LOC400499: variants seen among roughly 807,000 people sequenced by gnomAD.
the LOC400499 span, among the ~76,000 whole-genome samples, chr16:11,525,112 C>T: frequency 1.3e-5 from 2 of 152,030 alleles, no homozygotes; most frequent in East Asian, 1.9e-4. Flanking sequence ...GGCGAAACCC[C>T]CTCTCTATAA....
At chr16:11,461,133 G>A in the LOC400499 span, 4 of 1,528,568 alleles carry the variant, frequency 2.6e-6, no homozygotes, top group Non-Finnish European at 2.6e-6. Flanking sequence ...CAGGGACAGA[G>A]AGCAGGCAGA....
the LOC400499 span, among the ~76,000 whole-genome samples, chr16:11,410,112 C>G: frequency 6.6e-6 from 1 of 152,058 alleles, no homozygotes; most frequent in Admixed American, 6.6e-5. Flanking sequence ...TCACCACACT[C>G]CAACCTGGGT....
the LOC400499 span, among the ~76,000 whole-genome samples, chr16:11,484,619 G>A: frequency 6.6e-6 from 1 of 152,170 alleles, no homozygotes; most frequent in Non-Finnish European, 1.5e-5. Context: ...GGTGACATGG[G>A]TGTATTGAGG....
At chr16:11,419,813 C>T in the LOC400499 span, among the ~76,000 whole-genome samples, 2 of 151,948 alleles carry the variant, frequency 1.3e-5, no homozygotes, top group Admixed American at 6.6e-5. Context: ...CAAAAGAAGA[C>T]ATTTATGCAG....
the LOC400499 span, among the ~76,000 whole-genome samples, chr16:11,380,268 C>T: frequency 6.7e-6 from 1 of 150,120 alleles, no homozygotes; most frequent in Admixed American, 6.6e-5. Flanking sequence ...ACTTGAAGGA[C>T]TCCCTTTAGC....
the LOC400499 span, among the ~76,000 whole-genome samples, chr16:11,483,631 C>A: frequency 6.7e-6 from 1 of 150,368 alleles, no homozygotes; most frequent in Non-Finnish European, 1.5e-5. Context: ...TTTGAGAGGC[C>A]AAGGCAGGAG....
chr16:11,411,995 T>A, the LOC400499 span, among the ~76,000 whole-genome samples: 2 of 152,082 alleles, frequency 1.3e-5, no homozygotes, highest in Non-Finnish European at 2.9e-5. Context: ...CCTGAGCAGC[T>A]GGGACTACAA....
the LOC400499 span, among the ~76,000 whole-genome samples, chr16:11,443,024 T>C: frequency 2.0e-4 from 30 of 152,224 alleles, no homozygotes; most frequent in African/African-American, 7.2e-4. Flanking sequence ...GGCTGTTGTG[T>C]ATCTTGCAAA....
chr16:11,384,423 G>C, the LOC400499 span: 1 of 574,078 alleles, frequency 1.7e-6, no homozygotes, highest in Non-Finnish European at 2.6e-6. Context: ...AGATGAGCCT[G>C]AAGCACACAG....
chr16:11,405,223 T>A, the LOC400499 span, among the ~76,000 whole-genome samples: 1 of 152,184 alleles, frequency 6.6e-6, no homozygotes, highest in African/African-American at 2.4e-5. Flanking sequence ...ATACAAGTGG[T>A]GCACTCAGCC....
chr16:11,521,941 A>G, the LOC400499 span: 2 of 399,186 alleles, frequency 5.0e-6, no homozygotes, highest in Admixed American at 8.8e-5. Flanking sequence ...CGGTTGCCCA[A>G]AGACACTCAC....
chr16:11,504,041 G>A, the LOC400499 span, among the ~76,000 whole-genome samples: 7 of 152,106 alleles, frequency 4.6e-5, no homozygotes, highest in Non-Finnish European at 7.3e-5. Flanking sequence ...GGCACCTGGG[G>A]ATGGTGCCTG....
the LOC400499 span, chr16:11,387,033 G>C: frequency 1.8e-6 from 2 of 1,118,794 alleles, no homozygotes; most frequent in Non-Finnish European, 2.3e-6. Context: ...GATGCTACTA[G>C]CCTATGGAGG....
the LOC400499 span, chr16:11,446,698 C>T: frequency 6.5e-7 from 1 of 1,532,486 alleles, no homozygotes; most frequent in Non-Finnish European, 8.7e-7. Context: ...CAGCTGGGGC[C>T]TTCCTCTGGC....
chr16:11,416,294 G>A, the LOC400499 span, among the ~76,000 whole-genome samples: 2 of 152,124 alleles, frequency 1.3e-5, no homozygotes, highest in African/African-American at 4.8e-5. Flanking sequence ...CTCCCCTAGG[G>A]GACTGGGGAG....
At chr16:11,487,295 G>C in the LOC400499 span, 1 of 399,120 alleles carries the variant, frequency 2.5e-6, no homozygotes, top group Non-Finnish European at 4.4e-6. Flanking sequence ...CCATGGTGTG[G>C]ATGGTCAGGT....
chr16:11,442,202 C>T, the LOC400499 span: 1 of 152,130 alleles, frequency 6.6e-6, no homozygotes, highest in Non-Finnish European at 1.5e-5. Flanking sequence ...TGTCATTAAA[C>T]AGCTTATTTT....
chr16:11,397,122 G>A, the LOC400499 span, among the ~76,000 whole-genome samples: 1 of 152,268 alleles, frequency 6.6e-6, no homozygotes, highest in East Asian at 1.9e-4. Flanking sequence ...CCAGGAGGCC[G>A]GCACCTAGGC....
the LOC400499 span, among the ~76,000 whole-genome samples, chr16:11,497,109 C>A: frequency 6.6e-6 from 1 of 152,110 alleles, no homozygotes; most frequent in South Asian, 2.1e-4. Flanking sequence ...TTGGTGTGAG[C>A]CTGTGTCAGT....
Sources: gnomAD v4.1 joint callset for allele counts (sites outside exome capture counted in the v4.1 genomes callset) on GRCh38, gnomAD v4.1.1 for gene constraint, MANE v1.5 for transcripts.